COL14A1: variants seen among roughly 807,000 people sequenced by gnomAD.
The protein encoded by COL14A1 is collagen type XIV alpha 1 chain, also known as collagen alpha-1(XIV) chain.
COL14A1 carries 136 observed loss-of-function variants against 230.3 expected under a neutral mutation model. That is an observed-to-expected ratio of 0.59 (90% CI 0.51 to 0.68). COL14A1 has a LOEUF of 0.68. COL14A1 is among the 30% of genes least tolerant of loss of function. COL14A1 has a pLI of 0.00. For synonymous variants in COL14A1, 792 were observed against 784.1 expected, an observed-to-expected ratio of 1.01 and a Z score of -0.17; for missense variants, 1,976 against 2,215.8, an observed-to-expected ratio of 0.89 and a Z score of 2.17.
At chr8:120,138,407 A>C (rs956034329) in intron 1 of COL14A1, among the ~76,000 whole-genome samples, 1 of 152,092 alleles carries the variant, frequency 6.6e-6, no homozygotes, top group African/African-American at 2.4e-5. Flanking sequence ...ATTGTGTCTC[A>C]TTCCATTCTG....
At chr8:120,370,271 T>C in intron 47 of COL14A1, 3 of 1,523,436 alleles carry the variant, frequency 2.0e-6, no homozygotes, top group Admixed American at 3.6e-5. Flanking sequence ...AAAGTTTTGC[T>C]GATGTGTTTT....
At chr8:120,244,800 A>G (rs1818714038) in intron 20 of COL14A1, among the ~76,000 whole-genome samples, 1 of 152,272 alleles carries the variant, frequency 6.6e-6, no homozygotes, top group South Asian at 2.1e-4. Flanking sequence ...TACTCATGCC[A>G]TCTCCTATTC....
intron 19 of COL14A1, 54 bp from the exon 20 acceptor site, chr8:120,243,825 A>C: frequency 3.9e-5 from 62 of 1,592,574 alleles, no homozygotes; most frequent in Non-Finnish European, 5.2e-5. Context: ...CTCCATTACC[A>C]AATCAGTGGA....
intron 40 of COL14A1, among the ~76,000 whole-genome samples, chr8:120,324,437 G>A (rs555788120): frequency 2.0e-5 from 3 of 152,230 alleles, no homozygotes; most frequent in African/African-American, 7.2e-5. Flanking sequence ...CAGAATCTGT[G>A]GCTTCTAGTT....
chr8:120,280,738 T>A lies in COL14A1; in HGVS notation c.3674T>A (p.Ile1225Asn). 2 of 1,613,566 alleles carry A rather than the reference T, an allele frequency of 1.2e-6. No homozygotes were observed. Among genetic ancestry groups the A allele is most frequent in the Middle Eastern group, 1.7e-4 (1 of 6,058 alleles). ...ATCPVVHKDG[I>N]DLAGFKMMEM... ...TGTCCAGTGGTACACAAGGATGGCA[T>A]TGATCTTGCAGGTATGCATTATCAC... The change falls in exon 30 of 48, where the codon ATT (isoleucine) becomes AAT (asparagine). Residue 1225 changes from isoleucine to asparagine, a missense_variant. Coordinates refer to ENST00000297848, the MANE Select transcript of COL14A1 (RefSeq NM_021110.4).
chr8:120,310,050 A>AC lies in COL14A1; in HGVS notation c.4445dup (p.Pro1484SerfsTer10), dbSNP rs1309762188. 12 of 1,608,948 alleles carry AC rather than the reference A, an allele frequency of 7.5e-6. No individual in the cohort carries two copies. Among genetic ancestry groups the AC allele is most frequent in the Non-Finnish European group, 1.0e-5 (12 of 1,176,356 alleles). On this transcript the variant is annotated frameshift_variant, in exon 37 of 48. Transcript: ENST00000297848. LOFTEE classifies it high-confidence loss of function. ...GAGGACCAAAGGGCCAGCAAGGTGAACCGGGTCCAAAGGTAATGCGCATGT... is the reference window on the plus strand; with the variant it reads ...GAGGACCAAAGGGCCAGCAAGGTGAACCCGGGTCCAAAGGTAATGCGCATGT...
intron 40 of COL14A1, among the ~76,000 whole-genome samples, chr8:120,322,369 C>G (rs1172777890): frequency 6.6e-6 from 1 of 152,070 alleles, no homozygotes; most frequent in Non-Finnish European, 1.5e-5. Flanking sequence ...CACATGCACT[C>G]TGGAACTTAA....
chr8:120,271,627 C>T (rs1182496895), intron 26 of COL14A1, among the ~76,000 whole-genome samples: 3 of 151,486 alleles, frequency 2.0e-5, no homozygotes, highest in African/African-American at 4.8e-5. Context: ...AATTTCCAGA[C>T]AGAGAAAATG....
Position 120,283,723 on chromosome 8 carries a change from T to C in COL14A1, c.3912T>C (p.Ala1304=). 1 of 1,613,678 alleles carries C rather than the reference T, an allele frequency of 6.2e-7. No homozygotes were observed. Among genetic ancestry groups the C allele is most frequent in the Non-Finnish European group, 8.5e-7 (1 of 1,179,864 alleles). The stretch of plus-strand genomic sequence containing the variant: ...CTGACACTCCACAGGAGCCATTTGC[T>C]CTTTGGGAGATTTTAAATAAAAATT... The part of the protein sequence containing the change: ...ILPDTPQEPF[A]LWEILNKNSD... Residue 1304 remains alanine (A), a synonymous_variant, in exon 32 of 48, where the codon GCT becomes GCC. Transcript: ENST00000297848.
intron 43 of COL14A1, 145 bp from the exon 44 acceptor site, chr8:120,342,235 C>A: frequency 1.5e-6 from 1 of 687,618 alleles, no homozygotes. Flanking sequence ...TCTCTGCATG[C>A]ACCGTGGTGG....
At chr8:120,343,285 A>G (rs1822377271) in intron 44 of COL14A1, among the ~76,000 whole-genome samples, 1 of 151,970 alleles carries the variant, frequency 6.6e-6, no homozygotes, top group Non-Finnish European at 1.5e-5. Flanking sequence ...TCTCAACCCC[A>G]CCCAGCTCTC....
intron 1 of COL14A1, among the ~76,000 whole-genome samples, chr8:120,143,193 G>C (rs1454018072): frequency 6.6e-6 from 1 of 151,750 alleles, no homozygotes; most frequent in Non-Finnish European, 1.5e-5. Flanking sequence ...TTCAGGCCTA[G>C]CTCCAGTCTA....
In COL14A1 at chr8:120,278,116, A is replaced by G; in HGVS notation, c.3219A>G (p.Ala1073=). ...AATACACCTTCTCTCTCCAGGTTGCAATGGTTCAGTTCACTGATGATCCCA... is the reference window on the plus strand; with the variant it reads ...AATACACCTTCTCTCTCCAGGTTGCGATGGTTCAGTTCACTGATGATCCCA... ...NKIGTDGTQV[A]MVQFTDDPRT... is the part of the protein sequence containing the mutation. Residue 1073 remains alanine (A), a synonymous_variant, in exon 27 of 48, where the codon GCA becomes GCG. Transcript: ENST00000297848. 1 of 1,603,622 alleles carries G rather than the reference A, an allele frequency of 6.2e-7. No homozygotes were observed. The highest frequency in any genetic ancestry group is 8.5e-7 in the Non-Finnish European group (1 of 1,176,116).
chr8:120,301,182 G>A (rs1820698148), intron 36 of COL14A1, among the ~76,000 whole-genome samples: 1 of 151,946 alleles, frequency 6.6e-6, no homozygotes, highest in Non-Finnish European at 1.5e-5. Context: ...CATCTGCTTT[G>A]TCCACTTTCT....
At chr8:120,205,902 A>G (rs1314799687) in intron 9 of COL14A1, among the ~76,000 whole-genome samples, 1 of 152,216 alleles carries the variant, frequency 6.6e-6, no homozygotes, top group African/African-American at 2.4e-5. Flanking sequence ...GCTCTTTATT[A>G]TAATTTACAT....
intron 23 of COL14A1, 134 bp from the exon 24 acceptor site, chr8:120,262,733 AC>A (rs1819377809): frequency 1.2e-5 from 9 of 772,548 alleles, no homozygotes; most frequent in Non-Finnish European, 1.8e-5. Context: ...AATACTTCAA[AC>A]AAATATAACT....
chr8:120,328,514 G>A (rs972609610), intron 40 of COL14A1, among the ~76,000 whole-genome samples: 1 of 151,902 alleles, frequency 6.6e-6, no homozygotes, highest in Non-Finnish European at 1.5e-5. Flanking sequence ...TTACAGGCAT[G>A]AGCCACCACA....
intron 34 of COL14A1, among the ~76,000 whole-genome samples, chr8:120,295,487 GGCATTCATTTCT>G (rs2129993343): frequency 6.6e-6 from 1 of 151,804 alleles, no homozygotes; most frequent in African/African-American, 2.4e-5. Flanking sequence ...GATAGTGCCT[GGCATTCATTTCT>G]GCAAATGTTT....
intron 45 of COL14A1, among the ~76,000 whole-genome samples, chr8:120,350,805 A>C (rs1348868446): frequency 6.6e-6 from 1 of 151,298 alleles, no homozygotes; most frequent in Non-Finnish European, 1.5e-5. Context: ...TTAACACCCC[A>C]CTGTCAACAT....
Sources: allele counts gnomAD v4.1 joint callset (sites outside exome capture counted in the v4.1 genomes callset), GRCh38; gene constraint gnomAD v4.1.1; transcripts MANE v1.5; gene names NCBI Gene and HGNC (gene_info 2026-07-23, HGNC 2026-07-21).